The following CFAP92 variants were observed in gnomAD, a reference collection of about 807,000 sequenced individuals.
The protein encoded by CFAP92 is cilia and flagella associated protein 92 (putative), also known as uncharacterized protein CFAP92.
CFAP92 carries 86 observed loss-of-function variants against 106.3 expected under a neutral mutation model. That is an observed-to-expected ratio of 0.81 (90% confidence interval 0.68 to 0.97). The LOEUF is 0.97. Among genes scored for constraint, CFAP92 ranks in the 50% least tolerant of loss-of-function variants. The pLI is 0.00. For synonymous variants in CFAP92, 477 were observed against 506.4 expected, an observed-to-expected ratio of 0.94 and a Z score of 0.78; for missense variants, 1,204 against 1,283.8, an observed-to-expected ratio of 0.94 and a Z score of 0.95.
rs373113441 is a variant in CFAP92, at chr3:128,993,272, G to A, written c.33C>T (p.Asp11=). The A allele has an allele frequency of 6.2e-7, 1 of 1,613,770 alleles. No individual in the cohort carries two copies. Among genetic ancestry groups the A allele is most frequent in the Non-Finnish European group, 8.5e-7 (1 of 1,179,834 alleles). MSLHAWEWEE[D]PASIEPISSI... ...AGGAGATGGGCTCTATGCTTGCGGG[G>A]TCCTCTTCCCACTCCCAGGCATGTA... Residue 11 remains aspartate (D), a synonymous_variant, in exon 2 of 16, where the codon GAC becomes GAT. Coordinates refer to ENST00000645291, the MANE Select transcript of CFAP92 (RefSeq NM_001394090.1).
chr3:128,933,562 G>A (rs1276929838), intron 11 of CFAP92, among the ~76,000 whole-genome samples: 1 of 152,308 alleles, frequency 6.6e-6, no homozygotes, highest in Admixed American at 6.5e-5. Context: ...AGCTGCCTCC[G>A]AAGTCCACTG....
upstream of CFAP92, among the ~76,000 whole-genome samples, chr3:129,005,231 C>T (rs572767762): frequency 6.6e-6 from 1 of 152,348 alleles, no homozygotes; most frequent in East Asian, 1.9e-4. Context: ...TGGCAGCAGG[C>T]AGGAGGTGGG....
intron 15 of CFAP92, chr3:128,910,909 TGCTA>T: frequency 1.4e-6 from 2 of 1,418,802 alleles, no homozygotes; most frequent in African/African-American, 2.8e-5. Context: ...TCCCAGAGCC[TGCTA>T]GCTACTCACA....
At chr3:129,002,081 C>G (rs1256535934) in intron 1 of CFAP92, 4 of 1,529,908 alleles carry the variant, frequency 2.6e-6, no homozygotes. Context: ...GCCTCTGTGG[C>G]TACTTCGGCA....
chr3:128,977,142 T>A, intron 5 of CFAP92, 76 bp from the exon 6 acceptor site: 2 of 1,123,502 alleles, frequency 1.8e-6, no homozygotes, highest in South Asian at 2.6e-5. Context: ...CCTGACCCAT[T>A]TCTGTAATGT....
chr3:128,991,006 A>T (rs548814983), intron 2 of CFAP92, among the ~76,000 whole-genome samples: 61 of 152,354 alleles, frequency 4.0e-4, no homozygotes, highest in African/African-American at 1.4e-3. Context: ...GTAGAGCCGA[A>T]GGTATGTCAT....
At chr3:128,950,270 TTC>T (rs1940651605) in intron 9 of CFAP92, among the ~76,000 whole-genome samples, 1 of 151,870 alleles carries the variant, frequency 6.6e-6, no homozygotes, top group East Asian at 1.9e-4. Flanking sequence ...AACCCAGGGG[TTC>T]CCACCAACGC....
rs1482277971 is a variant in CFAP92 at position 128,953,564 on chromosome 3, A to ACGGTCT, written c.1354-7595_1354-7590dup. Among the ~76,000 whole-genome samples, 91 of 141,828 alleles carry ACGGTCT rather than the reference A, an allele frequency of 6.4e-4. 3 individuals are homozygous for ACGGTCT. Among genetic ancestry groups the ACGGTCT allele is most frequent in the Non-Finnish European group, 8.0e-4 (53 of 66,030 alleles). 93.0% of individuals were successfully genotyped at this position (141,828 alleles called of 152,430 possible). ...AATCACTCGCTTAAGAAGCAGCAAC[A>ACGGTCT]CGGTCTCCCTCTCCCTCTCCCTCTC... On this transcript the variant is annotated intron_variant, in intron 9 of 15. Coordinates refer to ENST00000645291, the MANE Select transcript of CFAP92 (RefSeq NM_001394090.1).
intron 4 of CFAP92, among the ~76,000 whole-genome samples, chr3:128,985,391 G>A (rs1343629614): frequency 1.3e-5 from 2 of 152,200 alleles, no homozygotes; most frequent in African/African-American, 4.8e-5. Flanking sequence ...CTTGAGCCCA[G>A]GAGCTCAAAG....
chr3:128,988,369 C>T (rs978116041), intron 3 of CFAP92, among the ~76,000 whole-genome samples: 1 of 152,084 alleles, frequency 6.6e-6, no homozygotes, highest in Non-Finnish European at 1.5e-5. Context: ...AGTGAAATCC[C>T]GTCTCTACTA....
At chr3:128,914,129 T>TA (rs1936619718) in intron 15 of CFAP92, among the ~76,000 whole-genome samples, 1 of 152,226 alleles carries the variant, frequency 6.6e-6, no homozygotes, top group Non-Finnish European at 1.5e-5. Flanking sequence ...AAGTGTTTCT[T>TA]AAGTGATTTC....
chr3:129,022,582 G>A, the CFAP92 span, among the ~76,000 whole-genome samples: 17 of 152,298 alleles, frequency 1.1e-4, no homozygotes, highest in East Asian at 5.8e-4. Flanking sequence ...CCCGGCCTCC[G>A]GATGCTGTGC....
rs910380394 is a variant in CFAP92, at chr3:128,972,045, G to A, written c.1022-612C>T. Among the ~76,000 whole-genome samples the A allele has an allele frequency of 2.0e-5, 3 of 152,120 alleles. No homozygotes were observed. The East Asian group carries it at 5.8e-4, about 29-fold the overall frequency. The stretch of plus-strand genomic sequence containing the variant: ...CCAGGAACAGACCCAAACACATAGG[G>A]GAACCTAACAGATGCCAGAAGTGGC... On this transcript the variant is annotated intron_variant, in intron 7 of 15. Coordinates refer to ENST00000645291, the MANE Select transcript of CFAP92 (RefSeq NM_001394090.1).
chr3:128,931,200 G>A lies in CFAP92; in HGVS notation c.2751+1500C>T, dbSNP rs79007919. Among the ~76,000 whole-genome samples the A allele has an allele frequency of 3.4e-3, 517 of 151,538 alleles. 6 individuals are homozygous for A. Among genetic ancestry groups the A allele is most frequent in the Admixed American group, 0.024 (364 of 15,180 alleles). Reference sequence around the variant, plus strand: ...GATTACAGGCATTAGGCACTGTGCCGCATTGAGACAGGGTCTCACTCTGCC... The same window carrying A: ...GATTACAGGCATTAGGCACTGTGCCACATTGAGACAGGGTCTCACTCTGCC... On this transcript the variant is annotated intron_variant, in intron 12 of 15. Transcript: ENST00000645291.
intron 12 of CFAP92, among the ~76,000 whole-genome samples, chr3:128,918,810 G>A (rs568836631): frequency 6.6e-6 from 1 of 152,198 alleles, no homozygotes; most frequent in East Asian, 1.9e-4. Flanking sequence ...TATAACTTAA[G>A]TCCACAGAAG....
chr3:128,934,778 A>T (rs1938802011), intron 11 of CFAP92, among the ~76,000 whole-genome samples: 1 of 151,572 alleles, frequency 6.6e-6, no homozygotes, highest in Non-Finnish European at 1.5e-5. Context: ...CCATCCTCCC[A>T]CCTCAGCCTC....
At chr3:129,009,023 C>T in the CFAP92 span, among the ~76,000 whole-genome samples, 4 of 137,364 alleles carry the variant, frequency 2.9e-5, no homozygotes, top group Admixed American at 7.6e-5. Flanking sequence ...GGGGGCGGGG[C>T]GGGAATCTGT....
chr3:128,993,848 G>T, intron 1 of CFAP92, 132 bp downstream of exon 1: 1 of 628,678 alleles, frequency 1.6e-6, no homozygotes, highest in Non-Finnish European at 2.0e-6. Context: ...CATCAGCTCA[G>T]GCCCATGGAG....
At chr3:129,026,674 A>G in the CFAP92 span, among the ~76,000 whole-genome samples, 32 of 152,230 alleles carry the variant, frequency 2.1e-4, 1 homozygote, top group African/African-American at 7.7e-4. Flanking sequence ...AGTCTTGGAG[A>G]CAGTGACCTT....
Sources: allele counts gnomAD v4.1 joint callset (sites outside exome capture counted in the v4.1 genomes callset), GRCh38; gene constraint gnomAD v4.1.1; transcripts MANE v1.5; gene names NCBI Gene and HGNC (gene_info 2026-07-23, HGNC 2026-07-21).